The following MAST4 variants were observed in gnomAD, a reference collection of about 807,000 sequenced individuals.
The protein encoded by MAST4 is microtubule-associated serine/threonine-protein kinase 4.
In MAST4, 89 loss-of-function variants were observed where a neutral mutation model predicts 162.7. The observed-to-expected ratio is 0.55, with a 90% CI of 0.46 to 0.65. The LOEUF (loss-of-function observed/expected upper bound fraction) is 0.65. Ranked by LOEUF, MAST4 falls within the 30% of genes least tolerant of loss-of-function variation. The pLI is 0.00. For missense variants in MAST4, 3,153 were observed against 3,374.0 expected, an observed-to-expected ratio of 0.93 and a Z score of 1.62; for synonymous variants, 1,479 against 1,361.1, an observed-to-expected ratio of 1.09 and a Z score of -1.91.
At chr5:66,790,738 CCTGATGG>C (rs1755359698) in intron 3 of MAST4, among the ~76,000 whole-genome samples, 3 of 152,178 alleles carry the variant, frequency 2.0e-5, no homozygotes, top group South Asian at 4.1e-4. Context: ...ATACAATTAA[CCTGATGG>C]TAGAGAGCAT....
chr5:67,084,249 G>A (rs1561630882), intron 5 of MAST4, among the ~76,000 whole-genome samples: 1 of 152,054 alleles, frequency 6.6e-6, no homozygotes, highest in Non-Finnish European at 1.5e-5. Context: ...ACAGTCTATT[G>A]TGAAACAGTA....
At chr5:66,643,491 C>T (rs946175177) in intron 1 of MAST4, among the ~76,000 whole-genome samples, 1 of 152,092 alleles carries the variant, frequency 6.6e-6, no homozygotes. Flanking sequence ...TGAAAGTAAA[C>T]AAAATCAATA....
chr5:66,614,295 T>C (rs1743497669), intron 1 of MAST4, among the ~76,000 whole-genome samples: 1 of 152,216 alleles, frequency 6.6e-6, no homozygotes, highest in Admixed American at 6.5e-5. Context: ...GTTATTTTTA[T>C]TATAACCACA....
chr5:66,845,092 TATATA>T (rs1561375740), intron 3 of MAST4, among the ~76,000 whole-genome samples: 20 of 66,130 alleles, frequency 3.0e-4, no homozygotes, highest in African/African-American at 1.5e-4. Flanking sequence ...TCTTTATATA[TATATA>T]TATATATATA....
chr5:67,156,492 CA>C (rs1772553038), intron 26 of MAST4, among the ~76,000 whole-genome samples: 1 of 152,154 alleles, frequency 6.6e-6, no homozygotes, highest in African/African-American at 2.4e-5. Context: ...GCAGAAGTTC[CA>C]AAAGAGGGAT....
chr5:67,023,424 G>C (rs964839901), intron 4 of MAST4, among the ~76,000 whole-genome samples: 1 of 152,144 alleles, frequency 6.6e-6, no homozygotes, highest in African/African-American at 2.4e-5. Context: ...GGTAGCACAT[G>C]ATCATACGTT....
intron 2 of MAST4, among the ~76,000 whole-genome samples, chr5:66,769,369 TG>T (rs1754258819): frequency 6.6e-6 from 1 of 152,120 alleles, no homozygotes; most frequent in Non-Finnish European, 1.5e-5. Flanking sequence ...ATGGTGGGGC[TG>T]GGGAGTGAGC....
chr5:66,992,359 G>A (rs1044405670), intron 4 of MAST4, among the ~76,000 whole-genome samples: 2 of 152,036 alleles, frequency 1.3e-5, no homozygotes, highest in East Asian at 1.9e-4. Context: ...CTTCACTTCC[G>A]GTTTTCTCTA....
chr5:66,840,295 T>C (rs1276552083), intron 3 of MAST4, among the ~76,000 whole-genome samples: 1 of 152,198 alleles, frequency 6.6e-6, no homozygotes, highest in African/African-American at 2.4e-5. Context: ...TTTATCTTTT[T>C]TAATTACCTG....
chr5:67,042,057 G>A (rs1192057322), intron 4 of MAST4, among the ~76,000 whole-genome samples: 1 of 152,212 alleles, frequency 6.6e-6, no homozygotes, highest in African/African-American at 2.4e-5. Context: ...AAGAAACTGA[G>A]TCCATTTAAT....
rs116848748 is a variant in MAST4 at position 66,821,950 on chromosome 5, G to T, written c.642+33156G>T. On this transcript the variant is annotated intron_variant, in intron 3 of 28. Coordinates refer to ENST00000403625, the MANE Select transcript of MAST4 (RefSeq NM_001164664.2). The stretch of plus-strand genomic sequence containing the variant: ...AGTAGGGAGGGACCAGGTGTCCCCA[G>T]TGAGGGGCATGGGCTGCCCTTACCT... Among the ~76,000 whole-genome samples the T allele has an allele frequency of 6.0e-4, 91 of 152,314 alleles. 1 individual carries two copies. In the East Asian group the frequency reaches 0.015, roughly 25 times the overall value.
Position 67,164,732 on chromosome 5 carries a change from C to G in MAST4, c.5553C>G (p.Asn1851Lys). ...TCCCCAGCAGCAGTGGGAAAAAGAA[C>G]GATACCACCAGTGCAAGAGAGCTTT... ...PVLPSSSGKKNDTTSARELSP... is the reference protein window; with the variant it reads ...PVLPSSSGKKKDTTSARELSP... Residue 1851 changes from asparagine to lysine, a missense_variant, in exon 29 of 29, where the codon AAC becomes AAG. By Grantham distance (94) the Asn-to-Lys change is moderately conservative (BLOSUM62 0). Transcript: ENST00000403625. The surrounding 1 kb of genome is among the most constrained non-coding windows in gnomAD (Gnocchi z 5.3). 1.2e-6 allele frequency: 2 copies of G among 1,614,014 alleles called. No homozygotes were observed. The highest frequency in any genetic ancestry group is 1.7e-6 in the Non-Finnish European group (2 of 1,179,892).
At chr5:66,811,164 A>G (rs928564840) in intron 3 of MAST4, among the ~76,000 whole-genome samples, 1 of 152,154 alleles carries the variant, frequency 6.6e-6, no homozygotes, top group African/African-American at 2.4e-5. Flanking sequence ...TTGGCCTCTG[A>G]GCACTGCAGA....
intron 4 of MAST4, among the ~76,000 whole-genome samples, chr5:66,984,763 C>T (rs1248589980): frequency 5.4e-5 from 5 of 92,334 alleles, no homozygotes; most frequent in Middle Eastern, 4.5e-3. Flanking sequence ...AGGATGGGGG[C>T]GGGGCGGGGG....
intron 21 of MAST4, among the ~76,000 whole-genome samples, chr5:67,143,301 C>A: frequency 6.7e-6 from 1 of 149,130 alleles, no homozygotes; most frequent in African/African-American, 2.5e-5. Context: ...AGTCTTGTAA[C>A]CAATAAACAG....
chr5:66,759,734 C>T lies in MAST4; in HGVS notation c.389C>T (p.Pro130Leu), dbSNP rs775033441. The change falls in exon 2 of 29, where the codon CCC (proline) becomes CTC (leucine). Residue 130 changes from proline to leucine, a missense_variant. By Grantham distance (98) the Pro-to-Leu change is moderately conservative. Around this residue, in one of 7 missense-constraint regions of MAST4, gnomAD observed 327 missense variants for 336.5 expected, o/e 0.97. Coordinates refer to ENST00000403625, the MANE Select transcript of MAST4 (RefSeq NM_001164664.2). The part of the protein sequence containing the change: ...EELDHILSPP[P>L]MPFRKCSNPD... ...CTTGACCACATATTATCCCCTCCAC[C>T]CATGCCGTTTCGGAAATGCAGCAAC... 2.0e-5 allele frequency: 33 copies of T among 1,613,846 alleles called. No homozygotes were observed. Among genetic ancestry groups the T allele is most frequent in the Non-Finnish European group, 2.6e-5 (31 of 1,179,878 alleles).
chr5:67,062,131 G>A (rs1759692806), intron 5 of MAST4, among the ~76,000 whole-genome samples: 1 of 152,180 alleles, frequency 6.6e-6, no homozygotes, highest in South Asian at 2.1e-4. Context: ...GCTGGGCGCG[G>A]TGGCTCACGC....
At chr5:66,651,043 C>CAT (rs1746183176) in intron 1 of MAST4, among the ~76,000 whole-genome samples, 1 of 152,176 alleles carries the variant, frequency 6.6e-6, no homozygotes, top group Non-Finnish European at 1.5e-5. Flanking sequence ...ACTGCTGTTA[C>CAT]ATACTTGCCG....
chr5:66,876,232 C>G lies in MAST4; in HGVS notation c.643-23719C>G, dbSNP rs114325939. Reference sequence around the variant, plus strand: ...CAATAAATGAATTGCCTGGTAAACACTATCAATGCAATGTTGATTTTTGAG... The same window carrying G: ...CAATAAATGAATTGCCTGGTAAACAGTATCAATGCAATGTTGATTTTTGAG... On this transcript the variant is annotated intron_variant, in intron 3 of 28. Transcript: ENST00000403625. Among the ~76,000 whole-genome samples, 246 of 152,274 alleles carry G rather than the reference C, an allele frequency of 1.6e-3. 3 individuals are homozygous for G. The highest frequency in any genetic ancestry group is 5.7e-3 in the African/African-American group (237 of 41,548).
Sources: gnomAD v4.1 joint callset for allele counts (sites outside exome capture counted in the v4.1 genomes callset) on GRCh38, gnomAD v4.1.1 for gene constraint, gnomAD v4.1.1 regional missense constraint, Gnocchi (gnomAD v3.1) non-coding constraint, MANE v1.5 for transcripts, NCBI Gene and HGNC (gene_info 2026-07-23, HGNC 2026-07-21) for gene names.